The following XPR1 variants were observed in gnomAD, a reference collection of about 807,000 sequenced individuals.
The protein encoded by XPR1 is xenotropic and polytropic retrovirus receptor 1.
Under a neutral mutation model 87.5 loss-of-function variants are expected in XPR1, and 28 were observed. The observed-to-expected ratio is 0.32, with a 90% CI of 0.24 to 0.44. The LOEUF is 0.44. XPR1 is among the 20% of genes least tolerant of loss of function. The pLI, the probability that XPR1 is intolerant of heterozygous loss-of-function variation, is 1.00. For missense variants in XPR1, 559 were observed against 862.3 expected, an observed-to-expected ratio of 0.65 and a Z score of 4.41; for synonymous variants, 300 against 306.1, an observed-to-expected ratio of 0.98 and a Z score of 0.21.
At chr1:180,660,715 G>C (rs567763377) in intron 1 of XPR1, among the ~76,000 whole-genome samples, 2 of 148,914 alleles carry the variant, frequency 1.3e-5, no homozygotes, top group South Asian at 4.3e-4. Context: ...GAAGATAATT[G>C]ATATTATTTC....
intron 2 of XPR1, among the ~76,000 whole-genome samples, chr1:180,717,962 G>A (rs1571761681): frequency 6.6e-6 from 1 of 152,116 alleles, no homozygotes; most frequent in African/African-American, 2.4e-5. Flanking sequence ...GAATAGATAT[G>A]AAGTTTAAAA....
intron 7 of XPR1, among the ~76,000 whole-genome samples, chr1:180,823,556 T>G (rs1650715478): frequency 6.6e-6 from 1 of 152,176 alleles, no homozygotes; most frequent in South Asian, 2.1e-4. Context: ...AGAGTTAATA[T>G]TTTAGGGGTG....
chr1:180,855,648 G>C (rs1652002756), intron 11 of XPR1, among the ~76,000 whole-genome samples: 1 of 146,862 alleles, frequency 6.8e-6, no homozygotes. Context: ...TGGCGACAGA[G>C]TGAGACTGTG....
chr1:180,686,702 A>G (rs1656791948), intron 2 of XPR1, among the ~76,000 whole-genome samples: 1 of 152,308 alleles, frequency 6.6e-6, no homozygotes, highest in South Asian at 2.1e-4. Context: ...GTACAGAATA[A>G]TACCTTTATA....
At chr1:180,728,536 T>C (rs995336462) in intron 2 of XPR1, among the ~76,000 whole-genome samples, 1 of 152,256 alleles carries the variant, frequency 6.6e-6, no homozygotes, top group African/African-American at 2.4e-5. Flanking sequence ...TCCGATTAAC[T>C]AATTCTCAGG....
At chr1:180,854,091 T>C (rs188466451) in intron 11 of XPR1, among the ~76,000 whole-genome samples, 2 of 152,316 alleles carry the variant, frequency 1.3e-5, no homozygotes, top group African/African-American at 4.8e-5. Flanking sequence ...TAATAGGGGT[T>C]TTGCTTTATC....
intron 7 of XPR1, among the ~76,000 whole-genome samples, chr1:180,820,959 A>G (rs532694563): frequency 1.1e-3 from 161 of 151,440 alleles, no homozygotes; most frequent in African/African-American, 3.7e-3. Flanking sequence ...CATGTGTTCT[A>G]GATACTAGAC....
chr1:180,707,377 C>G (rs1033578243), intron 2 of XPR1, among the ~76,000 whole-genome samples: 1 of 152,184 alleles, frequency 6.6e-6, no homozygotes, highest in Admixed American at 6.5e-5. Context: ...TGTTGCTCCC[C>G]TCTATGTATC....
Position 180,836,549 on chromosome 1 carries a change from A to G in XPR1, c.1334A>G (p.Tyr445Cys). ...TCAGGAATTTGCCACAAATATACAT[A>G]TGGTGTGCGGGCCATTGTTCAGTGC... ...EESGICHKYT[Y>C]GVRAIVQCIP... Residue 445 changes from tyrosine to cysteine, a missense_variant, in exon 11 of 15, where the codon TAT (tyrosine) becomes TGT (cysteine). Transcript: ENST00000367590. 1.2e-6 allele frequency: 2 copies of G among 1,614,122 alleles called. No individual in the cohort carries two copies. The highest frequency in any genetic ancestry group is 1.7e-6 in the Non-Finnish European group (2 of 1,180,028).
chr1:180,680,356 CCTTTTTTTT>C (rs1311832043), intron 1 of XPR1, among the ~76,000 whole-genome samples: 1 of 119,706 alleles, frequency 8.4e-6, no homozygotes, highest in African/African-American at 3.2e-5. Context: ...ACAAATAGAA[CCTTTTTTTT>C]TTTTTTTTTT....
chr1:180,810,926 T>C (rs1379281165), intron 6 of XPR1, among the ~76,000 whole-genome samples: 2 of 152,080 alleles, frequency 1.3e-5, no homozygotes, highest in Non-Finnish European at 2.9e-5. Context: ...CCTTATAAAA[T>C]GGCATACTAT....
At chr1:180,671,507 T>G (rs1156940874) in intron 1 of XPR1, among the ~76,000 whole-genome samples, 1 of 152,076 alleles carries the variant, frequency 6.6e-6, no homozygotes, top group East Asian at 1.9e-4. Flanking sequence ...AAGTATCTAG[T>G]ACAGTGGCTG....
chr1:180,660,799 GAGA>G (rs1655744120), intron 1 of XPR1, among the ~76,000 whole-genome samples: 2 of 152,222 alleles, frequency 1.3e-5, no homozygotes, highest in Non-Finnish European at 2.9e-5. Context: ...TCCATGTGCT[GAGA>G]AGAAGAATGT....
intron 3 of XPR1, among the ~76,000 whole-genome samples, chr1:180,796,658 TGA>T (rs1446453568): frequency 6.6e-6 from 1 of 152,178 alleles, no homozygotes; most frequent in African/African-American, 2.4e-5. Flanking sequence ...AAAACTTGTA[TGA>T]GAGTGTTAAC....
At chr1:180,646,287 G>T (rs1655117761) in intron 1 of XPR1, among the ~76,000 whole-genome samples, 1 of 152,134 alleles carries the variant, frequency 6.6e-6, no homozygotes, top group Admixed American at 6.6e-5. Context: ...AATAGTAAAG[G>T]GCTTCTTAGC....
At chr1:180,803,920 A>C (rs779175833) in intron 4 of XPR1, among the ~76,000 whole-genome samples, 3 of 152,184 alleles carry the variant, frequency 2.0e-5, no homozygotes, top group Non-Finnish European at 4.4e-5. Flanking sequence ...GATAGTCATG[A>C]ATAGAAATAA....
chr1:180,888,916 A>G lies in XPR1; in HGVS notation c.*4850A>G, dbSNP rs1653100851. 1.3e-5 allele frequency: 2 copies of G among 152,210 alleles called. No individual in the cohort carries two copies. The highest frequency in any genetic ancestry group is 4.8e-5 in the African/African-American group (2 of 41,464). The allele number at this position is 152,210 out of a possible 1,614,324, so 9.4% of individuals were successfully genotyped here. On this transcript the variant is annotated 3_prime_UTR_variant, in exon 15 of 15. Transcript: ENST00000367590. ...ATACTCTCCAAATATGAAAAAGTAA[A>G]AACATCTCATTAGGTTTGGAAGAGC...
chr1:180,824,671 C>A, intron 7 of XPR1, 82 bp from the exon 8 acceptor site: 1 of 1,229,330 alleles, frequency 8.1e-7, no homozygotes, highest in South Asian at 1.5e-5. Context: ...AGGGCTATAT[C>A]ATTGAGAATG....
At chr1:180,743,044 A>G (rs1025781849) in intron 2 of XPR1, among the ~76,000 whole-genome samples, 1 of 152,046 alleles carries the variant, frequency 6.6e-6, no homozygotes, top group Non-Finnish European at 1.5e-5. Flanking sequence ...TGCAGGCAAC[A>G]TATATAGTTG....
Sources: allele counts gnomAD v4.1 joint callset (sites outside exome capture counted in the v4.1 genomes callset), GRCh38; gene constraint gnomAD v4.1.1; transcripts MANE v1.5; gene names NCBI Gene and HGNC (gene_info 2026-07-23, HGNC 2026-07-21).